Variants in TRIQK observed in about 807,000 individuals in gnomAD.
TRIQK encodes triple QxxK/R motif-containing protein.
A neutral mutation model predicts 10.8 loss-of-function variants in TRIQK; 10 were observed. The ratio of observed to expected loss-of-function variants is 0.92; its 90% CI spans 0.57 to 1.57. TRIQK has a LOEUF of 1.57. TRIQK is among the 40% of genes most tolerant of loss of function. The probability of loss-of-function intolerance (pLI) is 0.00; values close to 1 mark genes in which losing one functional copy is unlikely to be tolerated. For missense variants in TRIQK, 107 were observed against 97.7 expected, an observed-to-expected ratio of 1.09 and a Z score of -0.40; for synonymous variants, 33 against 33.7, an observed-to-expected ratio of 0.98 and a Z score of 0.07.
intron 2 of TRIQK, among the ~76,000 whole-genome samples, chr8:92,937,378 G>A (rs1185667459): frequency 6.6e-6 from 1 of 151,740 alleles, no homozygotes; most frequent in African/African-American, 2.4e-5. Flanking sequence ...GTACAATTAA[G>A]ATCGCTTGCA....
At chr8:92,971,558 G>C (rs1011818852) in intron 1 of TRIQK, among the ~76,000 whole-genome samples, 1 of 152,082 alleles carries the variant, frequency 6.6e-6, no homozygotes, top group Non-Finnish European at 1.5e-5. Context: ...GCTACGAAGA[G>C]AATAAAATAC....
At chr8:92,898,846 TATATATATATATATATATATATATATAG>T (rs1307872475) in intron 3 of TRIQK, among the ~76,000 whole-genome samples, 1 of 131,886 alleles carries the variant, frequency 7.6e-6, no homozygotes, top group African/African-American at 2.9e-5. Flanking sequence ...TATATATATA[TATATATATATATATATATATATATATAG>T]ATGGGGGTAC....
intron 2 of TRIQK, among the ~76,000 whole-genome samples, chr8:92,950,186 C>T (rs1029923407): frequency 3.3e-5 from 5 of 152,200 alleles, no homozygotes; most frequent in Non-Finnish European, 7.4e-5. Context: ...GTAACAGTTA[C>T]ATTTAGAAAG....
chr8:92,928,078 T>C (rs575867455), intron 2 of TRIQK: 1 of 151,892 alleles, frequency 6.6e-6, no homozygotes, highest in South Asian at 2.1e-4. Context: ...AAGGGGGATA[T>C]AAAAAGATAG....
intron 2 of TRIQK, among the ~76,000 whole-genome samples, chr8:92,949,922 CTT>C (rs1342112448): frequency 4.6e-5 from 7 of 152,044 alleles, no homozygotes; most frequent in Admixed American, 2.6e-4. Context: ...AAAATATAAA[CTT>C]GATCTCACAT....
chr8:92,975,253 G>T (rs1812919205), intron 1 of TRIQK, among the ~76,000 whole-genome samples: 1 of 152,222 alleles, frequency 6.6e-6, no homozygotes, highest in African/African-American at 2.4e-5. Context: ...TTGTCTAGAA[G>T]AATTTGTGTG....
intron 1 of TRIQK, among the ~76,000 whole-genome samples, chr8:92,960,917 C>G (rs997965492): frequency 6.6e-6 from 1 of 152,144 alleles, no homozygotes; most frequent in Non-Finnish European, 1.5e-5. Flanking sequence ...TGATACGGCT[C>G]TCATATTTTC....
intron 2 of TRIQK, among the ~76,000 whole-genome samples, chr8:92,918,438 C>T (rs916519183): frequency 3.3e-5 from 5 of 152,030 alleles, no homozygotes; most frequent in South Asian, 4.1e-4. Flanking sequence ...GAGATGATAT[C>T]TCACTGTGCT....
chr8:93,015,947 T>TA (rs1022659310), intron 1 of TRIQK, among the ~76,000 whole-genome samples: 2 of 152,016 alleles, frequency 1.3e-5, no homozygotes, highest in African/African-American at 2.4e-5. Context: ...TTTTTTTAAG[T>TA]AAAAAAATAA....
chr8:92,932,945 G>A (rs553321248), intron 2 of TRIQK, among the ~76,000 whole-genome samples: 69 of 152,014 alleles, frequency 4.5e-4, no homozygotes, highest in African/African-American at 1.6e-3. Flanking sequence ...AGATATTTAC[G>A]GTTTAGCGTG....
In TRIQK at chr8:92,975,793, A is replaced by G. The variant is rs74944316; in HGVS notation, c.-180-21229T>C. Among the ~76,000 whole-genome samples the G allele has an allele frequency of 3.3e-5, 5 of 152,014 alleles. No individual in the cohort carries two copies. The East Asian group carries it at 9.7e-4, about 29-fold the overall frequency. On this transcript the variant is annotated intron_variant, in intron 1 of 4. Transcript: ENST00000520686. ...ATTAGAGTATTTTCTGTCTTTTCTAATATAGGAGATAAATAATATAAATTC... is the reference window on the plus strand; with the variant it reads ...ATTAGAGTATTTTCTGTCTTTTCTAGTATAGGAGATAAATAATATAAATTC...
intron 2 of TRIQK, among the ~76,000 whole-genome samples, chr8:92,939,973 A>G (rs1435901403): frequency 1.3e-5 from 2 of 152,138 alleles, no homozygotes; most frequent in African/African-American, 4.8e-5. Flanking sequence ...AATATGTCTT[A>G]TATCTGGGCT....
At chr8:92,927,036 C>A (rs1024703668) in intron 2 of TRIQK, among the ~76,000 whole-genome samples, 6 of 151,990 alleles carry the variant, frequency 3.9e-5, no homozygotes, top group African/African-American at 2.4e-5. Context: ...GGGCAACAGA[C>A]TTGAGGCCTC....
At chr8:92,902,848 CT>C (rs1238432550) in intron 3 of TRIQK, among the ~76,000 whole-genome samples, 1 of 151,762 alleles carries the variant, frequency 6.6e-6, no homozygotes, top group African/African-American at 2.4e-5. Context: ...CATTTTCCTT[CT>C]TATTGTATTA....
At chr8:92,958,009 T>C (rs1389222899) in intron 1 of TRIQK, among the ~76,000 whole-genome samples, 2 of 151,856 alleles carry the variant, frequency 1.3e-5, no homozygotes, top group African/African-American at 4.8e-5. Flanking sequence ...CAGAACCATT[T>C]CAAAATACCA....
intron 2 of TRIQK, among the ~76,000 whole-genome samples, chr8:92,934,498 C>T (rs986220372): frequency 3.3e-5 from 5 of 151,824 alleles, no homozygotes; most frequent in African/African-American, 1.2e-4. Context: ...CTCAAGACAA[C>T]AATAACAAGG....
intron 3 of TRIQK, among the ~76,000 whole-genome samples, chr8:92,899,889 T>C (rs553075344): frequency 6.6e-6 from 1 of 152,228 alleles, no homozygotes; most frequent in African/African-American, 2.4e-5. Flanking sequence ...AGGGTTTCCT[T>C]TCCTCCACAT....
rs987185516 is a variant in TRIQK at position 92,949,908 on chromosome 8, GA to G, written c.-22+4497del. Among the ~76,000 whole-genome samples, 241 of 151,908 alleles carry G rather than the reference GA, an allele frequency of 1.6e-3. 1 individual carries two copies. The highest frequency in any genetic ancestry group is 4.5e-3 in the African/African-American group (187 of 41,486). ...AGGAAGGAAGGAAAGAAAGAAAAAA[GA>G]AAAAAATATAAACTTGATCTCACAT... On this transcript the variant is annotated intron_variant, in intron 2 of 4. Transcript: ENST00000521988.
intron 1 of TRIQK, among the ~76,000 whole-genome samples, chr8:93,015,010 A>T (rs1387165778): frequency 6.6e-6 from 1 of 152,036 alleles, no homozygotes; most frequent in Non-Finnish European, 1.5e-5. Context: ...AAGAAGAGTG[A>T]GCTATTTTAT....
Sources: allele counts gnomAD v4.1 joint callset (sites outside exome capture counted in the v4.1 genomes callset), GRCh38; gene constraint gnomAD v4.1.1; transcripts MANE v1.5; gene names NCBI Gene and HGNC (gene_info 2026-07-23, HGNC 2026-07-21).